NME7: variants seen among roughly 807,000 people sequenced by gnomAD.
NME7 encodes the protein nucleoside diphosphate kinase 7.
Under a neutral mutation model 49.1 loss-of-function variants are expected in NME7, and 41 were observed. The ratio of observed to expected loss-of-function variants is 0.83; its 90% CI spans 0.65 to 1.08. The LOEUF (loss-of-function observed/expected upper bound fraction) is 1.08, where lower values mean the gene tolerates loss of function less well. NME7 is among the 50% of genes least tolerant of loss of function. NME7 has a pLI of 0.00. For synonymous variants in NME7, 139 were observed against 150.6 expected (o/e 0.92, Z 0.56); for missense variants, 423 against 463.4 (o/e 0.91, Z 0.80).
intron 1 of NME7, among the ~76,000 whole-genome samples, chr1:169,357,926 T>C (rs1178914595): frequency 6.6e-6 from 1 of 152,060 alleles, no homozygotes; most frequent in African/African-American, 2.4e-5. Flanking sequence ...TAAATACATA[T>C]CACACATGTT....
chr1:169,179,698 C>T (rs911051597), intron 10 of NME7, among the ~76,000 whole-genome samples: 1 of 152,030 alleles, frequency 6.6e-6, no homozygotes, highest in Non-Finnish European at 1.5e-5. Context: ...AGCAAACTAA[C>T]GCAGGAATAG....
rs1650313649 is a variant in NME7, at chr1:169,287,304, T to G, written c.753A>C (p.Glu251Asp). 1 of 1,609,502 alleles carries G rather than the reference T, an allele frequency of 6.2e-7. No homozygotes were observed. Among genetic ancestry groups the G allele is most frequent in the African/African-American group, 1.3e-5 (1 of 74,792 alleles). Residue 251 changes from glutamate (E) to aspartate (D), a missense_variant and splice_region_variant, in exon 7 of 12, where the codon GAA (glutamate) becomes GAC (aspartate). Transcript: ENST00000367811. ...CTGAATATAGTGTATTCAACATACC[T>G]TCACTGACAGCATGGGGTTTAACAA... ...CCIVKPHAVS[E>D]GLLGKILMAI...
rs761743916 is a variant in NME7, at chr1:169,237,667, T to C, written c.775A>G (p.Met259Val). 1.3e-5 allele frequency: 21 copies of C among 1,611,020 alleles called. 1 individual carries two copies. The East Asian group carries it at 4.7e-4, about 36-fold the overall frequency. Residue 259 changes from methionine (M) to valine (V), a missense_variant, in exon 8 of 12, where the codon ATG (methionine) becomes GTG (valine). Transcript: ENST00000367811. ...VSEGLLGKIL[M>V]AIRDAGFEIS... ...TCAAAACCTGCATCTCGGATAGCCA[T>C]CAGGATCTTTCCCAACAGTCCTGAA...
chr1:169,186,918 T>G (rs1660081333), intron 10 of NME7, among the ~76,000 whole-genome samples: 1 of 152,206 alleles, frequency 6.6e-6, no homozygotes, highest in Non-Finnish European at 1.5e-5. Flanking sequence ...AAACACTGTT[T>G]TAGCTGTGTT....
intron 10 of NME7, among the ~76,000 whole-genome samples, chr1:169,208,931 G>A (rs4567334): frequency 6.6e-6 from 1 of 152,024 alleles, no homozygotes; most frequent in Admixed American, 6.6e-5. Context: ...AGGTTATAAA[G>A]AATGTGTTTC....
chr1:169,344,672 A>G (rs1379760215), intron 1 of NME7, among the ~76,000 whole-genome samples: 3 of 152,096 alleles, frequency 2.0e-5, no homozygotes, highest in Admixed American at 2.0e-4. Context: ...TGTTATATTC[A>G]TTGATTTTTG....
intron 10 of NME7, among the ~76,000 whole-genome samples, chr1:169,194,145 A>G (rs1204481902): frequency 6.6e-6 from 1 of 152,182 alleles, no homozygotes; most frequent in African/African-American, 2.4e-5. Flanking sequence ...AAATAAAAAC[A>G]TAGAGATTAA....
chr1:169,346,067 T>A (rs1378000963), intron 1 of NME7, among the ~76,000 whole-genome samples: 1 of 152,042 alleles, frequency 6.6e-6, no homozygotes, highest in Non-Finnish European at 1.5e-5. Flanking sequence ...CTTTACTACC[T>A]CCACTGCAAA....
intron 7 of NME7, among the ~76,000 whole-genome samples, chr1:169,278,113 C>G (rs1038914694): frequency 1.1e-4 from 16 of 151,440 alleles, no homozygotes; most frequent in South Asian, 2.1e-4. Flanking sequence ...TCTGGCTGCC[C>G]TTAACATTTT....
intron 3 of NME7, among the ~76,000 whole-genome samples, chr1:169,313,568 C>A (rs1019997400): frequency 6.6e-6 from 1 of 152,102 alleles, no homozygotes; most frequent in Admixed American, 6.6e-5. Context: ...TCATCCTGTA[C>A]CTCAAATAAT....
chr1:169,141,467 C>T (rs1557959252), intron 11 of NME7, among the ~76,000 whole-genome samples: 4 of 152,094 alleles, frequency 2.6e-5, no homozygotes, highest in African/African-American at 7.2e-5. Flanking sequence ...AACAGTGATT[C>T]GGGAAAAGGA....
intron 7 of NME7, among the ~76,000 whole-genome samples, chr1:169,253,313 T>C (rs1423015352): frequency 4.9e-4 from 73 of 149,740 alleles, no homozygotes; most frequent in African/African-American, 1.7e-3. Context: ...TATTTTATTC[T>C]CTTTGAAGCA....
intron 7 of NME7, among the ~76,000 whole-genome samples, chr1:169,282,353 G>A (rs529009174): frequency 6.6e-6 from 1 of 151,896 alleles, no homozygotes; most frequent in South Asian, 2.1e-4. Flanking sequence ...TTCTTTATTA[G>A]TCTGGCTAGC....
intron 1 of NME7, among the ~76,000 whole-genome samples, chr1:169,352,309 C>T (rs1449620037): frequency 6.6e-6 from 1 of 152,018 alleles, no homozygotes; most frequent in Non-Finnish European, 1.5e-5. Flanking sequence ...ATCATATCAA[C>T]AGAATGTAGA....
chr1:169,274,993 A>T (rs1415023854), intron 7 of NME7, among the ~76,000 whole-genome samples: 1 of 132,444 alleles, frequency 7.6e-6, no homozygotes, highest in African/African-American at 2.5e-5. Flanking sequence ...GTTTTTTCCA[A>T]TTCTGTGAAG....
chr1:169,181,490 C>T (rs1659932422), intron 10 of NME7, among the ~76,000 whole-genome samples: 1 of 152,022 alleles, frequency 6.6e-6, no homozygotes, highest in Admixed American at 6.6e-5. Context: ...ATTAACCCTC[C>T]CATCTCTTTG....
intron 2 of NME7, 49 bp downstream of exon 2, chr1:169,324,344 C>T (rs1020679557): frequency 1.7e-6 from 2 of 1,172,386 alleles, no homozygotes; most frequent in Non-Finnish European, 2.6e-6. Context: ...GCAATGGTTC[C>T]CATGTTCACC....
chr1:169,139,097 C>G (rs1010323344), intron 11 of NME7, among the ~76,000 whole-genome samples: 2 of 152,188 alleles, frequency 1.3e-5, no homozygotes, highest in Non-Finnish European at 2.9e-5. Flanking sequence ...AAAAGGTATT[C>G]TCTGAGAGTT....
chr1:169,250,052 C>T (rs185667303), intron 7 of NME7, among the ~76,000 whole-genome samples: 7 of 152,100 alleles, frequency 4.6e-5, no homozygotes, highest in Admixed American at 4.6e-4. Context: ...GGATTGGTCC[C>T]AGTTCTCTGA....
Sources: allele counts gnomAD v4.1 joint callset (sites outside exome capture counted in the v4.1 genomes callset), GRCh38; gene constraint gnomAD v4.1.1; transcripts MANE v1.5; gene names NCBI Gene and HGNC (gene_info 2026-07-23, HGNC 2026-07-21).